Variants in FBN2 observed in about 807,000 individuals in gnomAD.
FBN2 encodes the protein fibrillin 2.
Under a neutral mutation model 355.6 loss-of-function variants are expected in FBN2, and 105 were observed. The ratio of observed to expected loss-of-function variants is 0.30; its 90% CI spans 0.25 to 0.35. The LOEUF (loss-of-function observed/expected upper bound fraction) is 0.35. Ranked by LOEUF, FBN2 falls within the 10% of genes least tolerant of loss-of-function variation. The pLI is 1.00. For synonymous variants in FBN2, 1,350 were observed against 1,301.2 expected, an observed-to-expected ratio of 1.04 and a Z score of -0.81; for missense variants, 3,280 against 3,758.7, an observed-to-expected ratio of 0.87 and a Z score of 3.33.
At chr5:128,520,123 T>C (rs1188909833) in intron 4 of FBN2, among the ~76,000 whole-genome samples, 1 of 152,184 alleles carries the variant, frequency 6.6e-6, no homozygotes, top group East Asian at 1.9e-4. Context: ...ACACTCTCTT[T>C]TGCTCCTTTA....
At chr5:128,349,892 G>A (rs1307499583) in intron 22 of FBN2, 63 bp downstream of exon 22, 13 of 1,242,142 alleles carry the variant, frequency 1.0e-5, no homozygotes, top group Non-Finnish European at 1.2e-6. Flanking sequence ...GTTTGAGAGT[G>A]AATGTTAATT....
chr5:128,374,639 C>A lies in FBN2; in HGVS notation c.2084G>T (p.Arg695Leu). Residue 695 changes from arginine (R) to leucine (L), a missense_variant, in exon 15 of 65, where the codon CGT becomes CTT. Coordinates refer to ENST00000262464, the MANE Select transcript of FBN2 (RefSeq NM_001999.4). ...AATGTTTCACTTACCAACACACACA[C>A]GTCCATCCATGCCCACAGCCAGGCC... Reference protein sequence around the residue: ...PPGLAVGMDGRVCVDTHMRST... With the variant: ...PPGLAVGMDGLVCVDTHMRST... 1 of 1,613,974 alleles carries A rather than the reference C, an allele frequency of 6.2e-7. No homozygotes were observed. The highest frequency in any genetic ancestry group is 8.5e-7 in the Non-Finnish European group (1 of 1,179,898).
rs752746367 is a variant in FBN2, at chr5:128,263,666, C to T, written c.7961-10G>A. On this transcript the variant is annotated splice_polypyrimidine_tract_variant and intron_variant, in intron 62 of 64. Coordinates refer to ENST00000262464, the MANE Select transcript of FBN2 (RefSeq NM_001999.4). ...GAGCATTCATTCTCATCTAGTGAAACGAAGAAAGAAACTCTTACACGGGGA... is the reference window on the plus strand; with the variant it reads ...GAGCATTCATTCTCATCTAGTGAAATGAAGAAAGAAACTCTTACACGGGGA... 3.2e-5 allele frequency: 51 copies of T among 1,602,878 alleles called. 1 individual carries two copies. The highest frequency in any genetic ancestry group is 2.8e-4 in the South Asian group (25 of 90,722).
intron 7 of FBN2, chr5:128,442,360 T>C: frequency 2.2e-6 from 1 of 456,652 alleles, no homozygotes; most frequent in Non-Finnish European, 4.4e-6. Flanking sequence ...TGCTTGTGCT[T>C]TATCCACATG....
At chr5:128,442,448 A>T (rs539741267) in intron 7 of FBN2, 31 of 439,896 alleles carry the variant, frequency 7.0e-5, no homozygotes, top group South Asian at 4.7e-4. Context: ...ATTTCATATT[A>T]TATTGATGTG....
chr5:128,293,820 C>A (rs1561752960), intron 48 of FBN2, among the ~76,000 whole-genome samples: 1 of 151,466 alleles, frequency 6.6e-6, no homozygotes, highest in African/African-American at 2.4e-5. Context: ...GGATCTTAAA[C>A]TTTTCTTTTT....
rs182946903 is a variant in FBN2, at chr5:128,460,146, T to G, written c.826+4578A>C. ...ATACAAAATCGGTGTGCAAAAATCA[T>G]AAGCATTCCTATGCACCAATAATAG... On this transcript the variant is annotated intron_variant, in intron 6 of 64. Coordinates refer to ENST00000262464, the MANE Select transcript of FBN2 (RefSeq NM_001999.4). Among the ~76,000 whole-genome samples, 7 of 152,176 alleles carry G rather than the reference T, an allele frequency of 4.6e-5. No individual in the cohort carries two copies. The East Asian group carries it at 1.4e-3, about 29-fold the overall frequency.
intron 15 of FBN2, among the ~76,000 whole-genome samples, chr5:128,369,625 A>T (rs764661981): frequency 1.3e-5 from 2 of 152,214 alleles, no homozygotes; most frequent in Admixed American, 6.5e-5. Flanking sequence ...GAAACCTAGG[A>T]TATTTCCACA....
At chr5:128,363,156 C>A (rs1341469298) in intron 18 of FBN2, among the ~76,000 whole-genome samples, 1 of 151,912 alleles carries the variant, frequency 6.6e-6, no homozygotes, top group Non-Finnish European at 1.5e-5. Flanking sequence ...TTCTCTCTTT[C>A]TTTCTCCACT....
chr5:128,380,733 C>G (rs935111964), intron 11 of FBN2, among the ~76,000 whole-genome samples: 5 of 152,020 alleles, frequency 3.3e-5, no homozygotes, highest in Non-Finnish European at 5.9e-5. Flanking sequence ...TTAGACTAGT[C>G]ACAAACGACC....
intron 8 of FBN2, among the ~76,000 whole-genome samples, chr5:128,405,822 T>C (rs1752911076): frequency 6.6e-6 from 1 of 152,196 alleles, no homozygotes; most frequent in South Asian, 2.1e-4. Flanking sequence ...ACATGTGCTG[T>C]ATTTGGTATT....
chr5:128,437,037 A>G (rs917839540), intron 7 of FBN2, among the ~76,000 whole-genome samples: 3 of 152,220 alleles, frequency 2.0e-5, no homozygotes, highest in East Asian at 1.9e-4. Flanking sequence ...CGTGATAGAA[A>G]TGTGAATGAG....
chr5:128,321,642 A>G (rs1332905882), intron 34 of FBN2, among the ~76,000 whole-genome samples: 1 of 152,148 alleles, frequency 6.6e-6, no homozygotes, highest in East Asian at 1.9e-4. Context: ...TTATGGTTGC[A>G]TAGTATTCCA....
Position 128,335,289 on chromosome 5 carries a change from T to A in FBN2, c.3854A>T (p.Asp1285Val). 6.2e-7 allele frequency: 1 copy of A among 1,614,182 alleles called. No homozygotes were observed. Among genetic ancestry groups the A allele is most frequent in the Non-Finnish European group, 8.5e-7 (1 of 1,179,986 alleles). Residue 1285 changes from aspartate (D) to valine (V), a missense_variant, in exon 30 of 65, where the codon GAT becomes GTT. Asp to Val is a radical substitution (Grantham distance 152). Coordinates refer to ENST00000262464, the MANE Select transcript of FBN2 (RefSeq NM_001999.4). The stretch of plus-strand genomic sequence containing the variant: ...GATATCAGGATTGTTTTCACATTCA[T>A]CAATGTCTGATGATACAAAATTAGC... Reference protein sequence around the residue: ...MPDGRSCADIDECENNPDICD... With the variant: ...MPDGRSCADIVECENNPDICD...
rs1326391832 is a variant in FBN2, at chr5:128,446,482, T to C, written c.951A>G (p.Glu317=). 3.7e-6 allele frequency: 6 copies of C among 1,613,646 alleles called. No homozygotes were observed. The highest frequency in any genetic ancestry group is 4.2e-6 in the Non-Finnish European group (5 of 1,179,762). The change falls in exon 7 of 65, where the codon GAA becomes GAG. Residue 317 remains glutamate, a splice_region_variant and synonymous_variant. Coordinates refer to ENST00000262464, the MANE Select transcript of FBN2 (RefSeq NM_001999.4). ...GCTTCCCAAAGTAGAGAGACTCACC[T>C]TCACATTTCTGAGTAGTTTCACTCT... ...HKQSETTQKC[E]DIDECSIIPG... is the part of the protein sequence containing the mutation.
intron 58 of FBN2, among the ~76,000 whole-genome samples, chr5:128,276,565 A>G (rs995486714): frequency 6.6e-6 from 1 of 152,094 alleles, no homozygotes; most frequent in Non-Finnish European, 1.5e-5. Flanking sequence ...GGTGCTGGAA[A>G]CCTTCCACTT....
intron 23 of FBN2, among the ~76,000 whole-genome samples, chr5:128,348,866 A>G (rs1751266419): frequency 6.6e-6 from 1 of 152,178 alleles, no homozygotes; most frequent in East Asian, 1.9e-4. Flanking sequence ...TTAAAAAATA[A>G]ACTATTAAGA....
intron 12 of FBN2, among the ~76,000 whole-genome samples, chr5:128,378,442 G>A (rs538601375): frequency 6.6e-6 from 1 of 152,114 alleles, no homozygotes; most frequent in East Asian, 1.9e-4. Flanking sequence ...ACTATGTGTG[G>A]GATTCAAAGA....
intron 7 of FBN2, among the ~76,000 whole-genome samples, chr5:128,444,414 A>G (rs1754012155): frequency 6.6e-6 from 1 of 152,238 alleles, no homozygotes; most frequent in African/African-American, 2.4e-5. Flanking sequence ...CCCAAATAAA[A>G]TTGAAAATAG....
Sources: allele counts gnomAD v4.1 joint callset (sites outside exome capture counted in the v4.1 genomes callset), GRCh38; gene constraint gnomAD v4.1.1; transcripts MANE v1.5; gene names NCBI Gene and HGNC (gene_info 2026-07-23, HGNC 2026-07-21).